The following INPP4B variants were observed in gnomAD, a reference collection of about 807,000 sequenced individuals.
The protein encoded by INPP4B is inositol polyphosphate 4-phosphatase type II.
In INPP4B, 55 loss-of-function variants were observed where a neutral mutation model predicts 122.5. The ratio of observed to expected loss-of-function variants is 0.45; its 90% CI spans 0.36 to 0.56. The LOEUF is 0.56. INPP4B is among the 20% of genes least tolerant of loss of function. The probability of loss-of-function intolerance (pLI) is 0.00; values close to 1 mark genes in which losing one functional copy is unlikely to be tolerated. For synonymous variants in INPP4B, 403 were observed against 388.7 expected, an observed-to-expected ratio of 1.04 and a Z score of -0.43; for missense variants, 1,000 against 1,097.7, an observed-to-expected ratio of 0.91 and a Z score of 1.26.
At chr4:142,720,761 A>ATC (rs1175727015) in intron 2 of INPP4B, among the ~76,000 whole-genome samples, 4 of 37,578 alleles carry the variant, frequency 1.1e-4, no homozygotes, top group Non-Finnish European at 1.9e-4. Context: ...TATATATATA[A>ATC]TCTCTCTCTC....
intron 2 of INPP4B, among the ~76,000 whole-genome samples, chr4:142,717,234 G>A (rs1763894365): frequency 1.3e-5 from 2 of 152,168 alleles, no homozygotes; most frequent in Admixed American, 6.5e-5. Context: ...TAAATTTTAT[G>A]AGGATGAATT....
chr4:142,249,136 G>T (rs1243249833), intron 11 of INPP4B, among the ~76,000 whole-genome samples: 7 of 152,052 alleles, frequency 4.6e-5, no homozygotes, highest in African/African-American at 1.7e-4. Flanking sequence ...ACTAATAGCA[G>T]CACAGTCTCC....
chr4:142,545,434 G>A (rs1476186474), intron 2 of INPP4B, among the ~76,000 whole-genome samples: 1 of 152,022 alleles, frequency 6.6e-6, no homozygotes, highest in Non-Finnish European at 1.5e-5. Context: ...GGGTCACTGA[G>A]CTAGTACTAT....
intron 2 of INPP4B, among the ~76,000 whole-genome samples, chr4:142,701,866 A>C (rs963509046): frequency 8.5e-5 from 13 of 152,192 alleles, no homozygotes; most frequent in African/African-American, 3.1e-4. Flanking sequence ...GAATGAACAC[A>C]ATAAATATTT....
chr4:142,757,540 A>G (rs1029443158), intron 1 of INPP4B, among the ~76,000 whole-genome samples: 5 of 151,998 alleles, frequency 3.3e-5, no homozygotes, highest in Non-Finnish European at 7.4e-5. Flanking sequence ...ACAGCATATA[A>G]CCTTTTCATG....
At chr4:142,610,343 A>G (rs1419115047) in intron 2 of INPP4B, among the ~76,000 whole-genome samples, 2 of 152,134 alleles carry the variant, frequency 1.3e-5, no homozygotes. Flanking sequence ...TCCTTTATAA[A>G]TTACTCAGTC....
At chr4:142,338,383 C>T (rs1375705836) in intron 7 of INPP4B, among the ~76,000 whole-genome samples, 4 of 151,910 alleles carry the variant, frequency 2.6e-5, no homozygotes, top group Admixed American at 2.0e-4. Flanking sequence ...CTACAGGCGC[C>T]CGCCACCACA....
chr4:142,174,802 A>AT (rs1327343517), intron 15 of INPP4B, among the ~76,000 whole-genome samples: 6 of 151,650 alleles, frequency 4.0e-5, no homozygotes, highest in Admixed American at 1.3e-4. Flanking sequence ...ATTAAAAAAA[A>AT]ATTTTTTCAT....
chr4:142,039,866 T>G (rs2152322050), intron 25 of INPP4B, among the ~76,000 whole-genome samples: 1 of 152,316 alleles, frequency 6.6e-6, no homozygotes, highest in Middle Eastern at 3.4e-3. Flanking sequence ...ATGGAAAATT[T>G]TTGATATATC....
intron 16 of INPP4B, among the ~76,000 whole-genome samples, chr4:142,162,297 T>A (rs1466629293): frequency 1.3e-5 from 2 of 150,394 alleles, no homozygotes; most frequent in East Asian, 1.9e-4. Flanking sequence ...CAATGAAGTA[T>A]TAAAATGAGA....
At chr4:142,837,875 T>C (rs536967023) in intron 1 of INPP4B, among the ~76,000 whole-genome samples, 5 of 152,028 alleles carry the variant, frequency 3.3e-5, no homozygotes, top group African/African-American at 1.2e-4. Context: ...AAAAATGAGA[T>C]CATACAGAAA....
intron 1 of INPP4B, among the ~76,000 whole-genome samples, chr4:142,837,054 T>A (rs901360817): frequency 2.2e-4 from 33 of 151,734 alleles, no homozygotes; most frequent in Non-Finnish European, 5.9e-5. Flanking sequence ...TAATCCCAGC[T>A]ACTTGGGAGG....
chr4:142,179,292 G>A (rs1829705685), intron 15 of INPP4B, among the ~76,000 whole-genome samples: 1 of 151,808 alleles, frequency 6.6e-6, no homozygotes, highest in African/African-American at 2.4e-5. Context: ...GGAAAGCACA[G>A]TAAAACCCTG....
intron 11 of INPP4B, among the ~76,000 whole-genome samples, chr4:142,241,173 A>T (rs954660065): frequency 2.0e-5 from 3 of 152,124 alleles, no homozygotes; most frequent in African/African-American, 4.8e-5. Flanking sequence ...CTCAATAACT[A>T]TGTAATACCT....
Position 142,227,856 on chromosome 4 carries a change from T to TAAA in INPP4B, c.836+10005_836+10007dup, listed in dbSNP as rs60375355. On this transcript the variant is annotated intron_variant, in intron 12 of 25. Transcript: ENST00000262992. The stretch of plus-strand genomic sequence containing the variant: ...CTGGGCAACAGAGGGAGACTCTATC[T>TAAA]AAAAAAAAAAAAAAAAAAAAAAAAG... Among the ~76,000 whole-genome samples, 13 of 34,210 alleles carry TAAA rather than the reference T, an allele frequency of 3.8e-4. 1 individual carries two copies. Among genetic ancestry groups the TAAA allele is most frequent in the African/African-American group, 5.3e-4 (5 of 9,384 alleles). The allele number at this position is 34,210 out of a possible 152,430, so 22.4% of individuals were successfully genotyped here. A position where few individuals can be genotyped will look rare whatever the true frequency, so the allele number is the denominator to read the frequency against.
chr4:142,628,429 G>C (rs1747063114), intron 2 of INPP4B, among the ~76,000 whole-genome samples: 1 of 53,044 alleles, frequency 1.9e-5, no homozygotes, highest in South Asian at 1.1e-3. Context: ...GGGGAGGGGG[G>C]AGGGATAGCA....
At chr4:142,438,703 A>C (rs1811065723) in intron 3 of INPP4B, among the ~76,000 whole-genome samples, 1 of 152,204 alleles carries the variant, frequency 6.6e-6, no homozygotes, top group Admixed American at 6.5e-5. Context: ...GACAAATAAA[A>C]TCTAATTAAA....
Position 142,483,182 on chromosome 4 carries a change from C to CTTTTTTTTTT in INPP4B, c.-190-20466_-190-20457dup, listed in dbSNP as rs5862604. 2.1e-3 allele frequency among the ~76,000 whole-genome samples: 100 copies of CTTTTTTTTTT among 48,334 alleles called. 26 individuals carry two copies. The highest frequency in any genetic ancestry group is 8.9e-3 in the African/African-American group (90 of 10,094). The allele number at this position is 48,334 out of a possible 152,430, so 31.7% of individuals were successfully genotyped here. A position where few individuals can be genotyped will look rare whatever the true frequency, so the allele number is the denominator to read the frequency against. ...TAATAATGACTGGAGTCAGGCTATG[C>CTTTTTTTTTT]TTTTTTTTTTTTTTTTTTTTTTTTT... On this transcript the variant is annotated intron_variant, in intron 2 of 25. Transcript: ENST00000262992.
At chr4:142,228,079 G>C (rs1254266652) in intron 12 of INPP4B, among the ~76,000 whole-genome samples, 2 of 151,734 alleles carry the variant, frequency 1.3e-5, no homozygotes, top group Non-Finnish European at 2.9e-5. Context: ...TGCACGTCAA[G>C]GTTTGTGTAT....
Sources: gnomAD v4.1 joint callset for allele counts (sites outside exome capture counted in the v4.1 genomes callset) on GRCh38, gnomAD v4.1.1 for gene constraint, MANE v1.5 for transcripts, NCBI Gene and HGNC (gene_info 2026-07-23, HGNC 2026-07-21) for gene names.